Variants in SYT2 observed in about 807,000 individuals in gnomAD.
The protein encoded by SYT2 is synaptotagmin-2.
In SYT2, 15 loss-of-function variants were observed where a neutral mutation model predicts 39.9. That is an observed-to-expected ratio of 0.38 (90% CI 0.25 to 0.58). The LOEUF is 0.58. SYT2 is among the 20% of genes least tolerant of loss of function. The pLI is 0.70. For synonymous variants in SYT2, 181 were observed against 204.5 expected (o/e 0.89, Z 0.98); for missense variants, 389 against 530.3 (o/e 0.73, Z 2.62).
chr1:202,666,919 T>G (rs1188178048), intron 1 of SYT2, among the ~76,000 whole-genome samples: 1 of 151,982 alleles, frequency 6.6e-6, no homozygotes, highest in Non-Finnish European at 1.5e-5. Flanking sequence ...GAGGTAGAGG[T>G]TGCAATGAGA....
At chr1:202,603,213 T>C (rs999457539) in intron 3 of SYT2, 95 bp from the exon 4 acceptor site, 3 of 1,508,818 alleles carry the variant, frequency 2.0e-6, no homozygotes, top group African/African-American at 2.8e-5. Flanking sequence ...CCCTCTGTGG[T>C]AGACCCTGAC....
intron 1 of SYT2, among the ~76,000 whole-genome samples, chr1:202,610,973 C>T (rs1690869950): frequency 6.6e-6 from 1 of 152,148 alleles, no homozygotes; most frequent in African/African-American, 2.4e-5. Context: ...GAAAAAACTA[C>T]TTTAAAGTTC....
intron 1 of SYT2, among the ~76,000 whole-genome samples, chr1:202,647,886 T>C (rs988418152): frequency 6.6e-6 from 1 of 152,056 alleles, no homozygotes; most frequent in African/African-American, 2.4e-5. Flanking sequence ...AGTGCTTGTA[T>C]AGAGCCATAA....
chr1:202,649,805 C>T (rs1692158440), intron 1 of SYT2, among the ~76,000 whole-genome samples: 1 of 152,224 alleles, frequency 6.6e-6, no homozygotes, highest in Non-Finnish European at 1.5e-5. Flanking sequence ...ATGCAAATGA[C>T]TTGCCCAAGT....
intron 1 of SYT2, among the ~76,000 whole-genome samples, chr1:202,625,073 GGT>G: frequency 6.6e-6 from 1 of 152,186 alleles, no homozygotes. Context: ...TGTGTAGTAG[GGT>G]GTGTGTGTGG....
intron 1 of SYT2, among the ~76,000 whole-genome samples, chr1:202,641,274 A>G (rs531548173): frequency 4.0e-4 from 61 of 152,256 alleles, no homozygotes; most frequent in African/African-American, 1.4e-3. Flanking sequence ...TGGGAGGGCA[A>G]TGCATTGGGA....
intron 6 of SYT2, 65 bp from the exon 7 acceptor site, chr1:202,600,539 CTCTT>C: frequency 6.8e-7 from 1 of 1,479,786 alleles, no homozygotes; most frequent in South Asian, 1.1e-5. Flanking sequence ...CATGGCTGAC[CTCTT>C]TCTTGCCAAA....
At chr1:202,597,310 G>A (rs1289682562) in intron 8 of SYT2, among the ~76,000 whole-genome samples, 1 of 152,178 alleles carries the variant, frequency 6.6e-6, no homozygotes. Context: ...AATTGATAAA[G>A]GTTATGCTAG....
chr1:202,598,051 G>A (rs191365421), intron 8 of SYT2, among the ~76,000 whole-genome samples: 1 of 152,268 alleles, frequency 6.6e-6, no homozygotes, highest in East Asian at 1.9e-4. Flanking sequence ...GTTTACTGGT[G>A]CCCTCCCACT....
intron 1 of SYT2, among the ~76,000 whole-genome samples, chr1:202,689,879 TC>T (rs956702103): frequency 2.7e-5 from 4 of 150,442 alleles, no homozygotes; most frequent in African/African-American, 9.8e-5. Context: ...GTAAAGTACT[TC>T]CCCCGGAAGT....
At chr1:202,625,145 A>G in intron 1 of SYT2, among the ~76,000 whole-genome samples, 1 of 512 alleles carries the variant, frequency 2.0e-3, no homozygotes. Context: ...GGCGTGTAAT[A>G]GGGTGTGTGG....
At chr1:202,657,489 A>G (rs1440870899) in intron 1 of SYT2, among the ~76,000 whole-genome samples, 1 of 152,142 alleles carries the variant, frequency 6.6e-6, no homozygotes, top group Non-Finnish European at 1.5e-5. Flanking sequence ...GGGCTACCAC[A>G]AGGCTCTGGG....
chr1:202,673,121 C>T (rs1160148206), intron 1 of SYT2, among the ~76,000 whole-genome samples: 1 of 152,028 alleles, frequency 6.6e-6, no homozygotes, highest in African/African-American at 2.4e-5. Context: ...ATAAGAAAAT[C>T]TTGGAGATGG....
chr1:202,709,164 C>T (rs931858854), intron 1 of SYT2, among the ~76,000 whole-genome samples: 7 of 152,214 alleles, frequency 4.6e-5, no homozygotes, highest in African/African-American at 9.6e-5. Context: ...CCCACGGGGC[C>T]TCTGCCCTTC....
rs977837226 is a variant in SYT2, at chr1:202,629,872, G to GC, written c.-17-24084_-17-24083insG. Among the ~76,000 whole-genome samples the GC allele has an allele frequency of 4.5e-3, 559 of 125,386 alleles. 44 individuals are homozygous for GC. Among genetic ancestry groups the GC allele is most frequent in the African/African-American group, 0.016 (541 of 34,408 alleles). The allele number at this position is 125,386 out of a possible 152,430, so 82.3% of individuals were successfully genotyped here. ...CATACCCAGCAGGCAGCTGGTGGGGGGGGGGGGGTGGTACGGCAGGTGTGT... is the reference window on the plus strand; with the variant it reads ...CATACCCAGCAGGCAGCTGGTGGGGGCGGGGGGGGTGGTACGGCAGGTGTGT... On this transcript the variant is annotated intron_variant, in intron 1 of 8. Coordinates refer to ENST00000367268, the MANE Select transcript of SYT2 (RefSeq NM_177402.5).
At chr1:202,602,884 C>A in intron 4 of SYT2, 115 bp downstream of exon 4, 1 of 1,328,322 alleles carries the variant, frequency 7.5e-7, no homozygotes, top group Non-Finnish European at 1.1e-6. Context: ...CTGCCTCATT[C>A]TATGGAAAGG....
At chr1:202,691,244 G>A (rs937677497) in intron 1 of SYT2, among the ~76,000 whole-genome samples, 4 of 152,208 alleles carry the variant, frequency 2.6e-5, no homozygotes, top group African/African-American at 9.7e-5. Flanking sequence ...GCCTGGGCTA[G>A]CTTTCCCATG....
intron 1 of SYT2, among the ~76,000 whole-genome samples, chr1:202,699,814 A>C (rs951302531): frequency 6.6e-6 from 1 of 151,994 alleles, no homozygotes; most frequent in Non-Finnish European, 1.5e-5. Context: ...CTACCGGCTG[A>C]GAGGCTCCAT....
intron 1 of SYT2, among the ~76,000 whole-genome samples, chr1:202,691,838 C>G (rs972479300): frequency 1.3e-5 from 2 of 149,202 alleles, no homozygotes; most frequent in African/African-American, 5.0e-5. Context: ...TTCCCTCCTC[C>G]CTGCAGGTTT....
Sources: gnomAD v4.1 joint callset for allele counts (sites outside exome capture counted in the v4.1 genomes callset) on GRCh38, gnomAD v4.1.1 for gene constraint, MANE v1.5 for transcripts, NCBI Gene and HGNC (gene_info 2026-07-23, HGNC 2026-07-21) for gene names.